Variants in TPRG1 observed in about 807,000 individuals in gnomAD.
TPRG1 encodes the protein tumor protein p63 regulated 1.
In TPRG1, 29 loss-of-function variants were observed where a neutral mutation model predicts 29.3. The observed-to-expected ratio is 0.99, with a 90% confidence interval of 0.74 to 1.35. The LOEUF is 1.35. Among genes scored for constraint, TPRG1 ranks in the 40% most tolerant of loss-of-function variants. The pLI, the probability that TPRG1 is intolerant of heterozygous loss-of-function variation, is 0.00. For missense variants in TPRG1, 327 were observed against 335.0 expected, an observed-to-expected ratio of 0.98 and a Z score of 0.19; for synonymous variants, 130 against 116.8, an observed-to-expected ratio of 1.11 and a Z score of -0.73.
intron 3 of TPRG1, among the ~76,000 whole-genome samples, chr3:189,017,484 G>GT (rs1378901110): frequency 4.0e-4 from 61 of 152,124 alleles, no homozygotes; most frequent in Admixed American, 3.9e-3. Context: ...GCGGTGTTTG[G>GT]TTTTTTGTTC....
chr3:189,192,320 A>G (rs1451133493), intron 1 of TPRG1, among the ~76,000 whole-genome samples: 1 of 152,186 alleles, frequency 6.6e-6, no homozygotes, highest in Non-Finnish European at 1.5e-5. Flanking sequence ...CCATGTAGTA[A>G]AGATATTTAT....
At chr3:189,227,184 A>G (rs987386363) in intron 3 of TPRG1, among the ~76,000 whole-genome samples, 1 of 152,068 alleles carries the variant, frequency 6.6e-6, no homozygotes, top group Non-Finnish European at 1.5e-5. Flanking sequence ...AAATTAGCCA[A>G]GCAGACAGTG....
chr3:189,145,116 C>A (rs1725073520), intron 3 of TPRG1, among the ~76,000 whole-genome samples: 1 of 152,082 alleles, frequency 6.6e-6, no homozygotes, highest in South Asian at 2.1e-4. Context: ...GTAATCCCAG[C>A]ACTTTGGGAG....
At position 189,032,594 on chromosome 3, in the gene TPRG1, TC is replaced by T. The variant is rs1310620184; in HGVS notation, c.-463+8649del. ...GTGTTATTAATCTCTCCTTTTTTTT[TC>T]TTTTTTTTTATTATTATTATACTTA... On this transcript the variant is annotated intron_variant, in intron 4 of 10. Coordinates refer to the TPRG1 transcript ENST00000433971. Among the ~76,000 whole-genome samples, 276 of 144,196 alleles carry T rather than the reference TC, an allele frequency of 1.9e-3. 2 individuals carry two copies. The highest frequency in any genetic ancestry group is 6.8e-3 in the Middle Eastern group (2 of 292). The allele number at this position is 144,196 out of a possible 152,430, so 94.6% of individuals were successfully genotyped here. A position where few individuals can be genotyped will look rare whatever the true frequency, so the allele number is the denominator to read the frequency against.
chr3:189,153,150 G>T (rs542078853), intron 5 of TPRG1, among the ~76,000 whole-genome samples: 15 of 152,288 alleles, frequency 9.8e-5, no homozygotes, highest in African/African-American at 3.6e-4. Context: ...GTTTGCCATC[G>T]CCAGGCTTTT....
At chr3:189,235,881 T>C (rs1038198049) in intron 3 of TPRG1, among the ~76,000 whole-genome samples, 1 of 152,214 alleles carries the variant, frequency 6.6e-6, no homozygotes, top group Non-Finnish European at 1.5e-5. Context: ...TAATAACATT[T>C]AGACCAAAGG....
At chr3:189,139,479 G>C (rs2108560935) in intron 3 of TPRG1, among the ~76,000 whole-genome samples, 1 of 152,284 alleles carries the variant, frequency 6.6e-6, no homozygotes, top group South Asian at 2.1e-4. Flanking sequence ...GTCAAACAGT[G>C]CGTGCCGCAT....
intron 3 of TPRG1, among the ~76,000 whole-genome samples, chr3:189,018,322 T>C (rs1201801152): frequency 4.0e-5 from 6 of 150,366 alleles, no homozygotes; most frequent in Non-Finnish European, 8.9e-5. Context: ...ATGTCCTGAA[T>C]GGTAATGCCT....
At chr3:189,304,589 G>C (rs1207590801) in intron 4 of TPRG1, among the ~76,000 whole-genome samples, 1 of 152,142 alleles carries the variant, frequency 6.6e-6, no homozygotes, top group Non-Finnish European at 1.5e-5. Context: ...GACATGGAGA[G>C]AATGTAAACA....
intron 4 of TPRG1, among the ~76,000 whole-genome samples, chr3:189,271,909 T>C (rs745887436): frequency 1.3e-5 from 2 of 152,188 alleles, no homozygotes; most frequent in Non-Finnish European, 1.5e-5. Context: ...AAAATAGAGA[T>C]AAAAAGCAAC....
Position 189,151,325 on chromosome 3 carries a change from T to C in TPRG1, c.-10+453T>C, listed in dbSNP as rs1578553315. Among the ~76,000 whole-genome samples, 3 of 152,248 alleles carry C rather than the reference T, an allele frequency of 2.0e-5. No individual in the cohort carries two copies. In the East Asian group the frequency reaches 5.8e-4, roughly 29 times the overall value. Reference sequence around the variant, plus strand: ...CCAATATAGAAAAAGCTGATGTGGGTTGGGAGATAGAGCTGATATCCCAGC... The same window carrying C: ...CCAATATAGAAAAAGCTGATGTGGGCTGGGAGATAGAGCTGATATCCCAGC... On this transcript the variant is annotated intron_variant, in intron 5 of 6. Coordinates refer to the TPRG1 transcript ENST00000412373.
intron 3 of TPRG1, among the ~76,000 whole-genome samples, chr3:189,135,880 T>C (rs560155068): frequency 6.6e-6 from 1 of 152,280 alleles, no homozygotes; most frequent in African/African-American, 2.4e-5. Context: ...TCTGGAGAAA[T>C]CCTACGCATA....
chr3:189,199,251 G>T lies in TPRG1; in HGVS notation c.-9-8125G>T, dbSNP rs1476731262. 3.3e-5 allele frequency among the ~76,000 whole-genome samples: 5 copies of T among 152,286 alleles called. No individual in the cohort carries two copies. In the East Asian group the frequency reaches 9.7e-4, roughly 29 times the overall value. ...ACCTTACAGCTTTTGAATCACAAGA[G>T]AACCAATTTGCTCAGTTGGAGTCAC... On this transcript the variant is annotated intron_variant, in intron 1 of 5. Coordinates refer to ENST00000345063, the MANE Select transcript of TPRG1 (RefSeq NM_198485.4).
At chr3:189,305,894 A>G (rs1351696487) in intron 4 of TPRG1, among the ~76,000 whole-genome samples, 6 of 152,216 alleles carry the variant, frequency 3.9e-5, no homozygotes, top group Non-Finnish European at 7.3e-5. Context: ...TACTAGAAGT[A>G]AAGAGTACAT....
Position 189,269,091 on chromosome 3 carries a change from G to GT in TPRG1, c.479+30193dup, listed in dbSNP as rs575985858. Among the ~76,000 whole-genome samples, 817 of 144,488 alleles carry GT rather than the reference G, an allele frequency of 5.7e-3. 5 individuals carry two copies. The highest frequency in any genetic ancestry group is 8.8e-3 in the Non-Finnish European group (580 of 65,562). 94.8% of individuals were successfully genotyped at this position (144,488 alleles called of 152,430 possible). A position where few individuals can be genotyped will look rare whatever the true frequency, so the allele number is the denominator to read the frequency against. Reference sequence around the variant, plus strand: ...GAAATACAAGAGTTAACATCCTGAGGTTTTTTTTTTTCTTTTTTTCTTTTT... The same window carrying GT: ...GAAATACAAGAGTTAACATCCTGAGGTTTTTTTTTTTTCTTTTTTTCTTTTT... On this transcript the variant is annotated intron_variant, in intron 4 of 5. Coordinates refer to ENST00000345063, the MANE Select transcript of TPRG1 (RefSeq NM_198485.4).
chr3:189,170,912 G>A (rs1414717325), upstream of TPRG1, among the ~76,000 whole-genome samples: 1 of 152,174 alleles, frequency 6.6e-6, no homozygotes, highest in African/African-American at 2.4e-5. Context: ...GCGCACACCC[G>A]TTCCTCCAGC....
At chr3:189,061,594 A>G (rs1578266369) in intron 4 of TPRG1, among the ~76,000 whole-genome samples, 2 of 152,228 alleles carry the variant, frequency 1.3e-5, no homozygotes, top group African/African-American at 4.8e-5. Flanking sequence ...TTCACAAGAA[A>G]AAAACAAACA....
intron 2 of TPRG1, chr3:189,211,712 T>C (rs1735289478): frequency 6.6e-6 from 1 of 152,178 alleles, no homozygotes; most frequent in South Asian, 2.1e-4. Flanking sequence ...AAATGAGGTA[T>C]GACTTGGTGC....
rs111472893 is a variant in TPRG1 at position 189,285,680 on chromosome 3, A to T, written c.480-24706A>T. On this transcript the variant is annotated intron_variant, in intron 4 of 5. Transcript: ENST00000345063. ...TTGTACATAATTTCTTTCTCAGAGTAATTCTTTAAGGTGGGTAGTAACTCT... is the reference window on the plus strand; with the variant it reads ...TTGTACATAATTTCTTTCTCAGAGTTATTCTTTAAGGTGGGTAGTAACTCT... Among the ~76,000 whole-genome samples, 159 of 152,296 alleles carry T rather than the reference A, an allele frequency of 1.0e-3. 1 individual carries two copies. The highest frequency in any genetic ancestry group is 3.4e-3 in the Middle Eastern group (1 of 294).
Sources: gnomAD v4.1 joint callset for allele counts (sites outside exome capture counted in the v4.1 genomes callset) on GRCh38, gnomAD v4.1.1 for gene constraint, MANE v1.5 for transcripts, NCBI Gene and HGNC (gene_info 2026-07-23, HGNC 2026-07-21) for gene names.